BTBD9: variants seen among roughly 807,000 people sequenced by gnomAD.
BTBD9 encodes BTB/POZ domain-containing protein 9.
A neutral mutation model predicts 64.3 loss-of-function variants in BTBD9; 49 were observed. The ratio of observed to expected loss-of-function variants is 0.76; its 90% CI spans 0.61 to 0.97. The LOEUF is 0.97. BTBD9 is among the 50% of genes least tolerant of loss of function. The pLI is 0.00. For missense variants in BTBD9, 598 were observed against 762.1 expected (o/e 0.78, Z 2.53); for synonymous variants, 260 against 274.7 (o/e 0.95, Z 0.53).
intron 6 of BTBD9, among the ~76,000 whole-genome samples, chr6:38,568,133 C>T (rs1408933935): frequency 2.0e-5 from 3 of 152,196 alleles, no homozygotes; most frequent in African/African-American, 7.2e-5. Flanking sequence ...TCAGAGCAAT[C>T]ATTGTTAAGT....
At chr6:38,504,545 T>C (rs917371851) in intron 6 of BTBD9, 1 of 456,734 alleles carries the variant, frequency 2.2e-6, no homozygotes, top group South Asian at 1.5e-5. Flanking sequence ...TTCTCCTGTA[T>C]CATAGATCTC....
chr6:38,403,426 G>C (rs1767032383), intron 6 of BTBD9, among the ~76,000 whole-genome samples: 1 of 152,054 alleles, frequency 6.6e-6, no homozygotes, highest in African/African-American at 2.4e-5. Flanking sequence ...TAAAGAATCT[G>C]GATAAGACGT....
chr6:38,354,690 T>C (rs1693499748), intron 6 of BTBD9, among the ~76,000 whole-genome samples: 1 of 152,138 alleles, frequency 6.6e-6, no homozygotes, highest in African/African-American at 2.4e-5. Flanking sequence ...CCTTTTCCCC[T>C]TGTGAAATTC....
chr6:38,502,962 A>G (rs181678598), intron 6 of BTBD9, among the ~76,000 whole-genome samples: 100 of 152,314 alleles, frequency 6.6e-4, no homozygotes, highest in African/African-American at 2.2e-3. Context: ...AAGTGATATA[A>G]AAGTAGGTGC....
At chr6:38,405,804 CAGATCTTCTAG>C (rs1355279766) in intron 6 of BTBD9, among the ~76,000 whole-genome samples, 17 of 152,184 alleles carry the variant, frequency 1.1e-4, no homozygotes, top group African/African-American at 3.9e-4. Flanking sequence ...ATACTGATCG[CAGATCTTCTAG>C]TGTTGGTCTA....
chr6:38,237,222 G>C (rs1373950341), intron 9 of BTBD9, among the ~76,000 whole-genome samples: 1 of 152,172 alleles, frequency 6.6e-6, no homozygotes. Context: ...TCTTTTTGAG[G>C]TGTATGTTGT....
intron 6 of BTBD9, among the ~76,000 whole-genome samples, chr6:38,358,840 C>T (rs1409770195): frequency 2.0e-5 from 3 of 151,248 alleles, no homozygotes; most frequent in South Asian, 2.1e-4. Flanking sequence ...GGCGCAATCT[C>T]GGCTCACTGC....
Position 38,544,119 on chromosome 6 carries a change from AAAT to A in BTBD9, c.1154+33478_1154+33480del, listed in dbSNP as rs200425870. On this transcript the variant is annotated intron_variant, in intron 6 of 10. Transcript: ENST00000481247. ...ACTGTAGATCAAAAATATTTTTTAA[AAAT>A]AATAAAAATTGTAAAACTTAAAAAC... is the stretch of plus-strand genomic sequence containing the variant. Among the ~76,000 whole-genome samples the A allele has an allele frequency of 5.6e-3, 857 of 152,286 alleles. 6 individuals carry two copies. Among genetic ancestry groups the A allele is most frequent in the Middle Eastern group, 0.02 (6 of 294 alleles).
intron 1 of BTBD9, among the ~76,000 whole-genome samples, chr6:38,638,291 A>G (rs1346553695): frequency 6.6e-6 from 1 of 152,158 alleles, no homozygotes; most frequent in Non-Finnish European, 1.5e-5. Context: ...TACTGCTCTC[A>G]AAGGGAAAAA....
At chr6:38,634,660 T>C (rs1031880968) in intron 1 of BTBD9, among the ~76,000 whole-genome samples, 9 of 151,646 alleles carry the variant, frequency 5.9e-5, no homozygotes, top group Non-Finnish European at 1.2e-4. Context: ...AAATTTTCTG[T>C]AGTTATTTTG....
At chr6:38,622,826 C>T (rs574969530) in intron 1 of BTBD9, among the ~76,000 whole-genome samples, 14 of 152,288 alleles carry the variant, frequency 9.2e-5, no homozygotes, top group African/African-American at 2.6e-4. Context: ...GATGGCTTGT[C>T]GCCCTGCTTC....
intron 6 of BTBD9, among the ~76,000 whole-genome samples, chr6:38,572,107 C>T (rs1055333165): frequency 6.6e-6 from 1 of 152,020 alleles, no homozygotes; most frequent in Admixed American, 6.6e-5. Flanking sequence ...TAAAATAATC[C>T]TTCTCCCCTG....
chr6:38,361,330 G>A (rs560124214), intron 6 of BTBD9, among the ~76,000 whole-genome samples: 1 of 152,116 alleles, frequency 6.6e-6, no homozygotes, highest in East Asian at 1.9e-4. Flanking sequence ...GACTGCTTGA[G>A]GCTGGGAGTT....
At chr6:38,588,944 T>C (rs933207297) in intron 4 of BTBD9, among the ~76,000 whole-genome samples, 6 of 152,224 alleles carry the variant, frequency 3.9e-5, no homozygotes, top group African/African-American at 1.4e-4. Context: ...ATAAAGATGA[T>C]TGAATTAAAA....
At chr6:38,289,139 G>A (rs1761864790) in intron 7 of BTBD9, among the ~76,000 whole-genome samples, 1 of 152,136 alleles carries the variant, frequency 6.6e-6, no homozygotes, top group Non-Finnish European at 1.5e-5. Context: ...TTGGGAGGCT[G>A]AGGAGGGCAG....
At chr6:38,505,789 A>AC (rs1161216699) in intron 6 of BTBD9, among the ~76,000 whole-genome samples, 1 of 151,076 alleles carries the variant, frequency 6.6e-6, no homozygotes, top group Middle Eastern at 3.2e-3. Context: ...ATATGGTGAA[A>AC]CCCCATCTCT....
At chr6:38,364,401 T>C (rs550839175) in intron 6 of BTBD9, among the ~76,000 whole-genome samples, 1 of 152,346 alleles carries the variant, frequency 6.6e-6, no homozygotes, top group East Asian at 1.9e-4. Context: ...TTGTTATTTT[T>C]ATATGAACAC....
intron 9 of BTBD9, among the ~76,000 whole-genome samples, chr6:38,254,474 AC>A (rs201333547): frequency 1.3e-5 from 2 of 151,826 alleles, no homozygotes; most frequent in African/African-American, 4.8e-5. Flanking sequence ...AAACAAACAA[AC>A]AAAAAAAAAC....
At chr6:38,538,924 C>G (rs1470400227) in intron 6 of BTBD9, among the ~76,000 whole-genome samples, 1 of 152,086 alleles carries the variant, frequency 6.6e-6, no homozygotes, top group Non-Finnish European at 1.5e-5. Context: ...GCTGGGACAA[C>G]AGGCACACAC....
Sources: gnomAD v4.1 joint callset for allele counts (sites outside exome capture counted in the v4.1 genomes callset) on GRCh38, gnomAD v4.1.1 for gene constraint, MANE v1.5 for transcripts, NCBI Gene and HGNC (gene_info 2026-07-23, HGNC 2026-07-21) for gene names.